The following CSMD1 variants were observed in gnomAD, a reference collection of about 807,000 sequenced individuals.
CSMD1 encodes the protein CUB and sushi domain-containing protein 1.
CSMD1 carries 213 observed loss-of-function variants against 417.5 expected under a neutral mutation model. That is an observed-to-expected ratio of 0.51 (90% CI 0.46 to 0.57). CSMD1 has a LOEUF of 0.57. CSMD1 is among the 20% of genes least tolerant of loss of function. The pLI is 0.00. For synonymous variants in CSMD1, 2,862 were observed against 1,736.8 expected (o/e 1.65, Z -16.11); for missense variants, 6,923 against 4,529.7 (o/e 1.53, Z -15.17).
intron 5 of CSMD1, among the ~76,000 whole-genome samples, chr8:3,802,780 C>T (rs1046540550): frequency 6.6e-6 from 1 of 152,124 alleles, no homozygotes; most frequent in African/African-American, 2.4e-5. Context: ...TAAAGCTTAG[C>T]TCCCTTTGCT....
At chr8:3,418,077 G>A (rs920655778) in intron 12 of CSMD1, among the ~76,000 whole-genome samples, 3 of 152,128 alleles carry the variant, frequency 2.0e-5, no homozygotes, top group Non-Finnish European at 4.4e-5. Context: ...GGGAAAATTC[G>A]GTTGTGTACA....
At chr8:4,296,553 T>G (rs1797695491) in intron 3 of CSMD1, among the ~76,000 whole-genome samples, 1 of 152,118 alleles carries the variant, frequency 6.6e-6, no homozygotes. Flanking sequence ...TACTCATAAT[T>G]CAGAGGATGG....
intron 3 of CSMD1, among the ~76,000 whole-genome samples, chr8:4,060,898 T>G (rs1047937570): frequency 3.3e-5 from 5 of 152,148 alleles, no homozygotes; most frequent in African/African-American, 1.2e-4. Context: ...AAACTCCCAC[T>G]AAGCCTGTTT....
chr8:3,173,077 A>G (rs1820682724), intron 37 of CSMD1, among the ~76,000 whole-genome samples: 1 of 152,200 alleles, frequency 6.6e-6, no homozygotes, highest in Non-Finnish European at 1.5e-5. Context: ...TGTGGAGGAC[A>G]ACTTGATTTC....
intron 12 of CSMD1, among the ~76,000 whole-genome samples, chr8:3,431,828 A>G (rs1195124326): frequency 1.3e-5 from 2 of 152,204 alleles, no homozygotes; most frequent in Non-Finnish European, 2.9e-5. Flanking sequence ...TTTATTCCAT[A>G]CAATTGTCAT....
intron 1 of CSMD1, among the ~76,000 whole-genome samples, chr8:4,962,698 T>A (rs143550763): frequency 6.6e-6 from 1 of 152,144 alleles, no homozygotes; most frequent in Admixed American, 6.6e-5. Context: ...GTGGAAGGGA[T>A]GTGCAAGATT....
chr8:3,848,139 A>C (rs1477693911), intron 5 of CSMD1, among the ~76,000 whole-genome samples: 1 of 151,294 alleles, frequency 6.6e-6, no homozygotes, highest in Non-Finnish European at 1.5e-5. Context: ...TTTTGCTGTG[A>C]CTGCTGTATG....
rs983143205 is a variant in CSMD1, at chr8:4,637,375, T to A, written c.269A>T (p.Asp90Val). The A allele has an allele frequency of 6.2e-7, 1 of 1,613,994 alleles. No individual in the cohort carries two copies. Among genetic ancestry groups the A allele is most frequent in the Non-Finnish European group, 8.5e-7 (1 of 1,179,872 alleles). ...TAAATTCCCTTGTTGAGGCTGTCCA[T>A]CGTAAACTGATAAAATATCAAAATC... ...EEDFDILSVY[D>V]GQPQQGNLKV... The change falls in exon 2 of 70, where the codon GAT becomes GTT. Residue 90 changes from aspartate to valine, a missense_variant. Asp to Val is a radical substitution (Grantham distance 152). Transcript: ENST00000635120.
At chr8:3,397,137 T>C (rs1358176490) in intron 16 of CSMD1, among the ~76,000 whole-genome samples, 1 of 152,132 alleles carries the variant, frequency 6.6e-6, no homozygotes, top group Non-Finnish European at 1.5e-5. Context: ...GGAGATAATT[T>C]TCTAAGTGGG....
intron 5 of CSMD1, among the ~76,000 whole-genome samples, chr8:3,874,258 T>G (rs932932575): frequency 1.3e-5 from 2 of 152,226 alleles, no homozygotes; most frequent in Non-Finnish European, 2.9e-5. Flanking sequence ...TTTATTTTAC[T>G]GTTAGAATGC....
chr8:3,694,754 C>G (rs4875772), intron 7 of CSMD1, among the ~76,000 whole-genome samples: 4 of 151,184 alleles, frequency 2.6e-5, no homozygotes, highest in Admixed American at 2.0e-4. Flanking sequence ...GAAAGCAACA[C>G]CAAAAAAGAA....
intron 1 of CSMD1, among the ~76,000 whole-genome samples, chr8:4,657,638 A>G (rs1018747795): frequency 2.0e-5 from 3 of 151,922 alleles, no homozygotes; most frequent in African/African-American, 7.2e-5. Flanking sequence ...ACAGTTACCA[A>G]TGTATAATAG....
At chr8:4,558,854 T>A (rs1179584167) in intron 2 of CSMD1, among the ~76,000 whole-genome samples, 1 of 152,136 alleles carries the variant, frequency 6.6e-6, no homozygotes, top group African/African-American at 2.4e-5. Context: ...GGCAACAAAG[T>A]GAGACTCCGT....
At chr8:3,729,619 T>G (rs1802706649) in intron 6 of CSMD1, among the ~76,000 whole-genome samples, 2 of 151,998 alleles carry the variant, frequency 1.3e-5, no homozygotes, top group African/African-American at 4.8e-5. Flanking sequence ...GATCTTAGTG[T>G]GGAAAGACGG....
chr8:3,335,539 T>C (rs1017733439), intron 23 of CSMD1, among the ~76,000 whole-genome samples: 9 of 152,008 alleles, frequency 5.9e-5, no homozygotes, highest in Non-Finnish European at 1.2e-4. Context: ...TAGCCGGGTG[T>C]GGTGTTGGGT....
At chr8:3,717,154 T>G (rs891664655) in intron 6 of CSMD1, among the ~76,000 whole-genome samples, 4 of 152,174 alleles carry the variant, frequency 2.6e-5, no homozygotes, top group Non-Finnish European at 4.4e-5. Flanking sequence ...CACTTAAAAT[T>G]TTTATTTTCG....
At chr8:3,991,834 TG>T (rs1814773433) in intron 5 of CSMD1, among the ~76,000 whole-genome samples, 1 of 152,208 alleles carries the variant, frequency 6.6e-6, no homozygotes, top group Non-Finnish European at 1.5e-5. Flanking sequence ...GCTTTTTGGA[TG>T]GTTGAATATT....
At chr8:3,454,109 G>C (rs1585188518) in intron 12 of CSMD1, among the ~76,000 whole-genome samples, 1 of 152,228 alleles carries the variant, frequency 6.6e-6, no homozygotes, top group African/African-American at 2.4e-5. Context: ...TTTAAAGTCT[G>C]TTTTATCAGA....
intron 10 of CSMD1, among the ~76,000 whole-genome samples, chr8:3,515,982 C>G (rs1481127362): frequency 6.6e-6 from 1 of 152,136 alleles, no homozygotes; most frequent in African/African-American, 2.4e-5. Flanking sequence ...AGTCAATGTT[C>G]TAAAGGTTTA....
Sources: gnomAD v4.1 joint callset for allele counts (sites outside exome capture counted in the v4.1 genomes callset) on GRCh38, gnomAD v4.1.1 for gene constraint, MANE v1.5 for transcripts, NCBI Gene and HGNC (gene_info 2026-07-23, HGNC 2026-07-21) for gene names.